The following ARHGEF11 variants were observed in gnomAD, a reference collection of about 807,000 sequenced individuals.
The protein encoded by ARHGEF11 is Rho guanine nucleotide exchange factor 11.
In ARHGEF11, 55 loss-of-function variants were observed where a neutral mutation model predicts 193.7. The observed-to-expected ratio is 0.28, with a 90% CI of 0.23 to 0.36. ARHGEF11 has a LOEUF of 0.36. ARHGEF11 is among the 10% of genes least tolerant of loss of function. The pLI, the probability that ARHGEF11 is intolerant of heterozygous loss-of-function variation, is 1.00. For synonymous variants in ARHGEF11, 693 were observed against 768.0 expected (o/e 0.90, Z 1.62); for missense variants, 1,723 against 2,005.6 (o/e 0.86, Z 2.69).
At chr1:156,956,377 A>C (rs1406403047) in intron 19 of ARHGEF11, 43 bp downstream of exon 19, 3 of 1,603,012 alleles carry the variant, frequency 1.9e-6, no homozygotes, top group East Asian at 2.2e-5. Context: ...GGCATTCCAA[A>C]GTACTAGGAT....
intron 1 of ARHGEF11, among the ~76,000 whole-genome samples, chr1:157,025,962 T>G (rs1404500231): frequency 2.6e-5 from 4 of 152,264 alleles, no homozygotes; most frequent in Non-Finnish European, 4.4e-5. Context: ...TGCTTGGTAC[T>G]GCAAGGATTA....
rs551387566 is a variant in ARHGEF11 at position 156,964,722 on chromosome 1, T to A, written c.964-1128A>T. On this transcript the variant is annotated intron_variant, in intron 11 of 40. Transcript: ENST00000368194. ...ACAGACTGACTGGTGTGCTCAAAGC[T>A]GCAGAATCAGGCCTGATGTGCTGTA... is the stretch of plus-strand genomic sequence containing the variant. 4.6e-5 allele frequency among the ~76,000 whole-genome samples: 7 copies of A among 152,304 alleles called. No individual in the cohort carries two copies. The East Asian group carries it at 1.4e-3, about 29-fold the overall frequency.
intron 1 of ARHGEF11, among the ~76,000 whole-genome samples, chr1:157,030,821 T>C (rs535673216): frequency 3.9e-5 from 6 of 152,298 alleles, no homozygotes; most frequent in African/African-American, 1.2e-4. Flanking sequence ...AATGAGATAA[T>C]GGACAAGACA....
At chr1:157,038,451 G>A (rs913658383) in intron 1 of ARHGEF11, among the ~76,000 whole-genome samples, 6 of 152,220 alleles carry the variant, frequency 3.9e-5, no homozygotes, top group Non-Finnish European at 8.8e-5. Context: ...GGCCTACGCT[G>A]AAATCACAAT....
chr1:157,042,082 G>T (rs1386059562), intron 1 of ARHGEF11, among the ~76,000 whole-genome samples: 1 of 152,166 alleles, frequency 6.6e-6, no homozygotes, highest in African/African-American at 2.4e-5. Flanking sequence ...ACAGTTAAGG[G>T]AGTAAGATTC....
At chr1:156,978,102 C>CT in intron 6 of ARHGEF11, 102 bp downstream of exon 6, 1 of 1,506,956 alleles carries the variant, frequency 6.6e-7, no homozygotes, top group South Asian at 1.3e-5. Context: ...TGGCTTGTCT[C>CT]TGTTTACCAC....
In ARHGEF11 at chr1:156,958,779, C is replaced by A. The variant is rs1384098715; in HGVS notation, c.1465G>T (p.Val489Leu). 3 of 1,614,090 alleles carry A rather than the reference C, an allele frequency of 1.9e-6. No homozygotes were observed. The highest frequency in any genetic ancestry group is 2.5e-6 in the Non-Finnish European group (3 of 1,180,044). ...AGGGCAGCCAGCTGCTTCTCAGCCA[C>A]TTGGCGCTCTCGGAGAGGGTCCCCA... ...LDGDPLRERQVAEKQLAALGD... is the reference protein window; with the variant it reads ...LDGDPLRERQLAEKQLAALGD... The change falls in exon 17 of 41, where the codon GTG becomes TTG. Residue 489 changes from valine (V) to leucine (L), a missense_variant. Transcript: ENST00000368194.
chr1:156,963,353 A>G, intron 12 of ARHGEF11, 49 bp from the exon 13 acceptor site: 1 of 1,554,936 alleles, frequency 6.4e-7, no homozygotes, highest in Non-Finnish European at 8.9e-7. Context: ...ACAGCAGCAC[A>G]GCGGGTTCCA....
At position 156,976,391 on chromosome 1, in the gene ARHGEF11, C is replaced by T. The variant is rs1357931900; in HGVS notation, c.582+592G>A. Among the ~76,000 whole-genome samples the T allele has an allele frequency of 2.0e-5, 3 of 152,278 alleles. No homozygotes were observed. The East Asian group carries it at 5.8e-4, about 29-fold the overall frequency. On this transcript the variant is annotated intron_variant, in intron 7 of 40. Coordinates refer to ENST00000368194, the MANE Select transcript of ARHGEF11 (RefSeq NM_198236.3). ...GCTCTTTGTTCCTCCCACTCTCCCT[C>T]CTACTGTAATTTGAATTTCCTCCAT...
chr1:157,016,705 G>A (rs1669279656), intron 1 of ARHGEF11, among the ~76,000 whole-genome samples: 1 of 152,174 alleles, frequency 6.6e-6, no homozygotes, highest in Admixed American at 6.5e-5. Flanking sequence ...AGGGTATGTA[G>A]GAGTGTAGAC....
At chr1:156,943,324 G>A (rs192989486) in intron 32 of ARHGEF11, among the ~76,000 whole-genome samples, 59 of 152,308 alleles carry the variant, frequency 3.9e-4, no homozygotes, top group Middle Eastern at 6.8e-3. Context: ...GCCTCCCAAA[G>A]GGCTGGGATT....
chr1:156,959,924 ACCC>A (rs752001490), intron 15 of ARHGEF11, among the ~76,000 whole-genome samples: 2 of 77,062 alleles, frequency 2.6e-5, no homozygotes, highest in East Asian at 3.9e-4. Flanking sequence ...AACAAAAATA[ACCC>A]CCCCTCCCCC....
At position 157,016,798 on chromosome 1, in the gene ARHGEF11, ATTATTTATTTAT is replaced by A. The variant is rs148884718; in HGVS notation, c.32+27489_32+27500del. 6.2e-3 allele frequency among the ~76,000 whole-genome samples: 932 copies of A among 149,330 alleles called. 9 individuals are homozygous for A. Among genetic ancestry groups the A allele is most frequent in the African/African-American group, 0.021 (865 of 40,618 alleles). ...TGAAATTTTCCATAATAGAGTTTTTATTATTTATTTATTTATTTATTTATTTATTTTGAGAGA... is the reference window on the plus strand; with the variant it reads ...TGAAATTTTCCATAATAGAGTTTTTATTATTTATTTATTTATTTTGAGAGA... On this transcript the variant is annotated intron_variant, in intron 1 of 40. Transcript: ENST00000368194.
chr1:156,961,148 A>G (rs1660775786), intron 14 of ARHGEF11, among the ~76,000 whole-genome samples: 1 of 152,230 alleles, frequency 6.6e-6, no homozygotes, highest in Non-Finnish European at 1.5e-5. Context: ...TGCAGGCAGA[A>G]ATGCTCTTGC....
At chr1:157,014,705 CTGA>C (rs1304185890) in intron 1 of ARHGEF11, among the ~76,000 whole-genome samples, 1 of 152,286 alleles carries the variant, frequency 6.6e-6, no homozygotes. Context: ...CTCTAGAACT[CTGA>C]TGAGATTGTT....
chr1:157,024,488 T>C (rs1670410051), intron 1 of ARHGEF11, among the ~76,000 whole-genome samples: 1 of 152,182 alleles, frequency 6.6e-6, no homozygotes, highest in Non-Finnish European at 1.5e-5. Context: ...ACACAAGGGA[T>C]TATTATGATA....
At chr1:156,993,956 G>C (rs1004992054) in intron 1 of ARHGEF11, among the ~76,000 whole-genome samples, 1 of 152,148 alleles carries the variant, frequency 6.6e-6, no homozygotes, top group Admixed American at 6.5e-5. Flanking sequence ...CGAATCACTT[G>C]AGGCCCCACC....
chr1:157,038,656 G>C (rs1234988443), intron 1 of ARHGEF11, among the ~76,000 whole-genome samples: 1 of 152,172 alleles, frequency 6.6e-6, no homozygotes. Context: ...TTGAAGTCCT[G>C]CCAGATTTTT....
intron 1 of ARHGEF11, among the ~76,000 whole-genome samples, chr1:157,040,838 T>C (rs552857971): frequency 9.2e-5 from 14 of 152,348 alleles, no homozygotes; most frequent in Admixed American, 8.5e-4. Flanking sequence ...TCTCGTTTGA[T>C]TTGCTCCTTT....
Sources: allele counts gnomAD v4.1 joint callset (sites outside exome capture counted in the v4.1 genomes callset), GRCh38; gene constraint gnomAD v4.1.1; transcripts MANE v1.5; gene names NCBI Gene and HGNC (gene_info 2026-07-23, HGNC 2026-07-21).